Variants in EMP3 observed in about 807,000 individuals in gnomAD.
EMP3 encodes the protein epithelial membrane protein 3 (MAM blood group).
A neutral mutation model predicts 21.6 loss-of-function variants in EMP3; 15 were observed. The observed-to-expected ratio is 0.69, with a 90% confidence interval of 0.46 to 1.07. EMP3 has a LOEUF of 1.07. Ranked by LOEUF, EMP3 falls within the 50% of genes least tolerant of loss-of-function variation. The pLI is 0.00. For missense variants in EMP3, 183 were observed against 206.6 expected, an observed-to-expected ratio of 0.89 and a Z score of 0.70; for synonymous variants, 107 against 86.1, an observed-to-expected ratio of 1.24 and a Z score of -1.34.
rs563847243 is a variant in EMP3, at chr19:48,327,251, C to T, written c.79-270C>T. ...TTCACCATGTTGCCCAGGCTGGTCT[C>T]GAACCCCTGGCCTCAAGTGATCCAC... On this transcript the variant is annotated intron_variant, in intron 2 of 4. Coordinates refer to ENST00000270221, the MANE Select transcript of EMP3 (RefSeq NM_001425.3). Among the ~76,000 whole-genome samples the T allele has an allele frequency of 6.6e-5, 10 of 151,982 alleles. No homozygotes were observed. In the East Asian group the frequency reaches 9.7e-4, roughly 15 times the overall value.
chr19:48,326,992 C>T lies in EMP3; in HGVS notation c.78+70C>T, dbSNP rs1969133443. The T allele has an allele frequency of 3.1e-6, 4 of 1,291,696 alleles. No homozygotes were observed. In the East Asian group the frequency reaches 9.2e-5, roughly 30 times the overall value. The allele number at this position is 1,291,696 out of a possible 1,614,324, so 80.0% of individuals were successfully genotyped here. ...TCTTGCCACGCCCCTCCTCTAAAGG[C>T]ATTCTGGCCCCACCCCCTTTACCTA... On this transcript the variant is annotated intron_variant, in intron 2 of 4. Transcript: ENST00000270221.
In EMP3 at chr19:48,330,411, G is replaced by A; in HGVS notation, c.433G>A (p.Ala145Thr). The part of the protein sequence containing the change: ...FGYCFALAWV[A>T]FPLALVSGII... ...ATACTGCTTCGCCCTGGCCTGGGTG[G>A]CCTTCCCCCTCGCCCTGGTCAGCGG... is the stretch of plus-strand genomic sequence containing the variant. Residue 145 changes from alanine (A) to threonine (T), a missense_variant, in exon 5 of 5, where the codon GCC becomes ACC. Transcript: ENST00000270221. 1.2e-6 allele frequency: 2 copies of A among 1,601,530 alleles called. No homozygotes were observed. The highest frequency in any genetic ancestry group is 1.4e-5 in the African/African-American group (1 of 74,000).
At chr19:48,328,520 G>A (rs12463018) in intron 3 of EMP3, among the ~76,000 whole-genome samples, 54,524 of 151,702 alleles carry the variant, frequency 0.36, 10,345 homozygotes, top group Non-Finnish European at 0.43. Context: ...CTGAATGGAT[G>A]CCTGGGACCA....
rs1969168008 is a variant in EMP3, at chr19:48,329,216, C to T, written c.182-136C>T. 9.8e-7 allele frequency: 1 copy of T among 1,024,180 alleles called. No individual in the cohort carries two copies. The highest frequency in any genetic ancestry group is 1.4e-6 in the Non-Finnish European group (1 of 707,516). The allele number at this position is 1,024,180 out of a possible 1,614,324, so 63.4% of individuals were successfully genotyped here. On this transcript the variant is annotated intron_variant, in intron 3 of 4. Transcript: ENST00000270221. This position sits in a 1 kb window ranked among gnomAD's most constrained non-coding sequence, Gnocchi z 4.5. ...GGGCTCAAGGTCAAAATAAGTGATACATCTAAGTATCTAGGCTTGTATGGG... is the reference window on the plus strand; with the variant it reads ...GGGCTCAAGGTCAAAATAAGTGATATATCTAAGTATCTAGGCTTGTATGGG...
chr19:48,327,719 G>T (rs1191817189), intron 3 of EMP3, 96 bp downstream of exon 3: 1 of 1,203,356 alleles, frequency 8.3e-7, no homozygotes, highest in African/African-American at 1.5e-5. Flanking sequence ...CCCCAACAAA[G>T]TTGGAGTGGG....
At chr19:48,325,959 C>T (rs1969115623) in intron 1 of EMP3, 1 of 152,300 alleles carries the variant, frequency 6.6e-6, no homozygotes, top group South Asian at 2.1e-4. Flanking sequence ...TCCTGGGAGG[C>T]TAACTCCTTC....
chr19:48,329,230 G>C lies in EMP3; in HGVS notation c.182-122G>C. The C allele has an allele frequency of 1.6e-6, 2 of 1,222,146 alleles. No homozygotes were observed. The highest frequency in any genetic ancestry group is 2.1e-4 in the Middle Eastern group (1 of 4,754). The allele number at this position is 1,222,146 out of a possible 1,614,324, so 75.7% of individuals were successfully genotyped here. A position where few individuals can be genotyped will look rare whatever the true frequency, so the allele number is the denominator to read the frequency against. ...AATAAGTGATACATCTAAGTATCTAGGCTTGTATGGGCCTAAACGGGAGCA... is the reference window on the plus strand; with the variant it reads ...AATAAGTGATACATCTAAGTATCTACGCTTGTATGGGCCTAAACGGGAGCA... On this transcript the variant is annotated intron_variant, in intron 3 of 4. Coordinates refer to ENST00000270221, the MANE Select transcript of EMP3 (RefSeq NM_001425.3). This position sits in a 1 kb window ranked among gnomAD's most constrained non-coding sequence, Gnocchi z 4.5.
At chr19:48,327,719 G>A in intron 3 of EMP3, 96 bp downstream of exon 3, 1 of 1,203,474 alleles carries the variant, frequency 8.3e-7, no homozygotes, top group South Asian at 1.3e-5. Flanking sequence ...CCCCAACAAA[G>A]TTGGAGTGGG....
In EMP3 at chr19:48,330,393, T is replaced by A. The variant is rs373817758; in HGVS notation, c.415T>A (p.Phe139Ile). 2.5e-6 allele frequency: 4 copies of A among 1,607,240 alleles called. No homozygotes were observed. The African/African-American group carries it at 5.4e-5, about 22-fold the overall frequency. ...HPRGGSFGYC[F>I]ALAWVAFPLA... ...GCGAGGGGGCAGCTTCGGATACTGC[T>A]TCGCCCTGGCCTGGGTGGCCTTCCC... The change falls in exon 5 of 5, where the codon TTC becomes ATC. Residue 139 changes from phenylalanine to isoleucine, a missense_variant. Transcript: ENST00000270221.
intron 2 of EMP3, 62 bp from the exon 3 acceptor site, chr19:48,327,459 C>A: frequency 7.9e-7 from 1 of 1,272,968 alleles, no homozygotes; most frequent in Non-Finnish European, 1.1e-6. Flanking sequence ...CCACAGTCTG[C>A]CTGACCCTAT....
Position 48,329,839 on chromosome 19 carries a change from G to C in EMP3, c.322+347G>C, listed in dbSNP as rs1969179014. 6.6e-6 allele frequency among the ~76,000 whole-genome samples: 1 copy of C among 152,160 alleles called. No homozygotes were observed. Among genetic ancestry groups the C allele is most frequent in the African/African-American group, 2.4e-5 (1 of 41,410 alleles). Reference sequence around the variant, plus strand: ...ATAAACTAATTAGTACCTCAGTAGAGAGCTCTAAATCATAATAATAATGGT... The same window carrying C: ...ATAAACTAATTAGTACCTCAGTAGACAGCTCTAAATCATAATAATAATGGT... On this transcript the variant is annotated intron_variant, in intron 4 of 4. Transcript: ENST00000270221. The surrounding 1 kb of genome is among the most constrained non-coding windows in gnomAD (Gnocchi z 4.5).
At chr19:48,327,054 C>T in intron 2 of EMP3, 132 bp downstream of exon 2, 1 of 808,472 alleles carries the variant, frequency 1.2e-6, no homozygotes, top group South Asian at 1.6e-5. Context: ...TATTTTGAGA[C>T]AAGGGTCTCA....
rs779803153 is a variant in EMP3, at chr19:48,326,823, TC to T, written c.-15-3del. 1.9e-6 allele frequency: 3 copies of T among 1,612,446 alleles called. No homozygotes were observed. The highest frequency in any genetic ancestry group is 2.5e-6 in the Non-Finnish European group (3 of 1,178,850). On this transcript the variant is annotated splice_polypyrimidine_tract_variant and splice_region_variant and intron_variant, in intron 1 of 4. Coordinates refer to ENST00000270221, the MANE Select transcript of EMP3 (RefSeq NM_001425.3). ...TTGAGACTCCGTCCCCTGCTCCCCC[TC>T]CCCAGGCTTCCACTGCAGCCATGTC...
rs1969169759 is a variant in EMP3, at chr19:48,329,349, C to A, written c.182-3C>A. ...GTCCCCCTCTGTGTCCTCCTTACTG[C>A]AGGCTGGCTGAAGGCGGTGCAGGTC... On this transcript the variant is annotated splice_polypyrimidine_tract_variant and splice_region_variant and intron_variant, in intron 3 of 4. Transcript: ENST00000270221. This position sits in a 1 kb window ranked among gnomAD's most constrained non-coding sequence, Gnocchi z 4.5. 1.3e-5 allele frequency: 21 copies of A among 1,613,946 alleles called. No individual in the cohort carries two copies. Among genetic ancestry groups the A allele is most frequent in the Non-Finnish European group, 1.7e-5 (20 of 1,179,986 alleles).
chr19:48,327,369 C>T (rs1241154313), intron 2 of EMP3, 152 bp from the exon 3 acceptor site: 17 of 642,898 alleles, frequency 2.6e-5, no homozygotes, highest in Non-Finnish European at 4.5e-5. Context: ...CCTGTCCTGA[C>T]CCTACCCCCT....
In EMP3 at chr19:48,328,810, T is replaced by C. The variant is rs559863800; in HGVS notation, c.182-542T>C. ...CTATTCCCAGTAAACATGTTGTTTA[T>C]GTAGAAAATCCATTAAAATTCTGCA... is the stretch of plus-strand genomic sequence containing the variant. On this transcript the variant is annotated intron_variant, in intron 3 of 4. Coordinates refer to ENST00000270221, the MANE Select transcript of EMP3 (RefSeq NM_001425.3). Among the ~76,000 whole-genome samples, 3 of 152,308 alleles carry C rather than the reference T, an allele frequency of 2.0e-5. No homozygotes were observed. In the East Asian group the frequency reaches 5.8e-4, roughly 29 times the overall value.
intron 1 of EMP3, among the ~76,000 whole-genome samples, chr19:48,326,473 C>T (rs1159963763): frequency 6.6e-6 from 1 of 151,046 alleles, no homozygotes; most frequent in Non-Finnish European, 1.5e-5. Flanking sequence ...CAGGAGACAT[C>T]TCACCTGCCT....
At position 48,330,290 on chromosome 19, in the gene EMP3, A is replaced by C. The variant is rs1349340597; in HGVS notation, c.323-11A>C. On this transcript the variant is annotated splice_polypyrimidine_tract_variant and intron_variant, in intron 4 of 4. Coordinates refer to ENST00000270221, the MANE Select transcript of EMP3 (RefSeq NM_001425.3). Reference sequence around the variant, plus strand: ...GGGCACTGCATGACGTGTGGTTTTCATCTTCCGCAGGCGTGGCGGTGTTTA... The same window carrying C: ...GGGCACTGCATGACGTGTGGTTTTCCTCTTCCGCAGGCGTGGCGGTGTTTA... 1.5e-5 allele frequency: 24 copies of C among 1,573,150 alleles called. No individual in the cohort carries two copies. The highest frequency in any genetic ancestry group is 2.0e-5 in the Non-Finnish European group (23 of 1,159,478).
In EMP3 at chr19:48,327,573, C is replaced by G. The variant is rs554878809; in HGVS notation, c.131C>G (p.Thr44Arg). Residue 44 changes from threonine (T) to arginine (R), a missense_variant, in exon 3 of 5, where the codon ACG (threonine) becomes AGG (arginine). By Grantham distance (71) the Thr-to-Arg change is moderately conservative. Transcript: ENST00000270221. ...TCCCTGAATCTCTGGTACGACTGCA[C>G]GTGGAACAACGACACCAAAACATGG... ...KESLNLWYDCTWNNDTKTWAC... is the reference protein window; with the variant it reads ...KESLNLWYDCRWNNDTKTWAC... The G allele has an allele frequency of 1.2e-6, 2 of 1,613,876 alleles. No homozygotes were observed. Among genetic ancestry groups the G allele is most frequent in the East Asian group, 2.2e-5 (1 of 44,878 alleles).
Sources: gnomAD v4.1 joint callset for allele counts (sites outside exome capture counted in the v4.1 genomes callset) on GRCh38, gnomAD v4.1.1 for gene constraint, Gnocchi (gnomAD v3.1) non-coding constraint, MANE v1.5 for transcripts, NCBI Gene and HGNC (gene_info 2026-07-23, HGNC 2026-07-21) for gene names.